The following CHL1 variants were observed in gnomAD, a reference collection of about 807,000 sequenced individuals.
CHL1 encodes cell adhesion molecule L1 like, also known as neural cell adhesion molecule L1-like protein.
A neutral mutation model predicts 141.9 loss-of-function variants in CHL1; 96 were observed. The ratio of observed to expected loss-of-function variants is 0.68; its 90% CI spans 0.57 to 0.80. The LOEUF is 0.80. Ranked by LOEUF, CHL1 falls within the 30% of genes least tolerant of loss-of-function variation. The pLI, the probability that CHL1 is intolerant of heterozygous loss-of-function variation, is 0.00. For missense variants in CHL1, 1,820 were observed against 1,457.2 expected (o/e 1.25, Z -4.05); for synonymous variants, 613 against 502.2 (o/e 1.22, Z -2.95).
intron 1 of CHL1, among the ~76,000 whole-genome samples, chr3:240,726 C>T (rs551931034): frequency 1.7e-4 from 26 of 152,258 alleles, no homozygotes; most frequent in East Asian, 5.8e-4. Context: ...TTATAGGTAT[C>T]GGGTCTTATA....
chr3:356,522 G>A (rs564928084), intron 11 of CHL1, among the ~76,000 whole-genome samples: 1 of 152,310 alleles, frequency 6.6e-6, no homozygotes, highest in African/African-American at 2.4e-5. Context: ...AATAACACAT[G>A]AGTGTGTGCT....
intron 1 of CHL1, among the ~76,000 whole-genome samples, chr3:237,396 A>G (rs1692100382): frequency 6.6e-6 from 1 of 152,228 alleles, no homozygotes; most frequent in Non-Finnish European, 1.5e-5. Context: ...TCTTTTCTTT[A>G]TAAATTACCC....
intron 2 of CHL1, among the ~76,000 whole-genome samples, chr3:253,286 G>T (rs1693871251): frequency 1.3e-5 from 2 of 152,064 alleles, no homozygotes; most frequent in South Asian, 4.1e-4. Flanking sequence ...TAGCACCATA[G>T]TTATAGAGGA....
chr3:298,843 T>C (rs1426882914), intron 2 of CHL1, among the ~76,000 whole-genome samples: 1 of 152,202 alleles, frequency 6.6e-6, no homozygotes, highest in East Asian at 1.9e-4. Context: ...TTTTTTACCA[T>C]ATAAGATGAT....
intron 1 of CHL1, among the ~76,000 whole-genome samples, chr3:242,151 A>G (rs945595654): frequency 6.6e-6 from 1 of 152,152 alleles, no homozygotes; most frequent in African/African-American, 2.4e-5. Flanking sequence ...TTTAAAAATG[A>G]GATGAAAAAC....
chr3:360,295 G>A lies in CHL1; in HGVS notation c.1177G>A (p.Ala393Thr), dbSNP rs202042716. ...TTAATCTCTTTCAGATCATCCATTT[G>A]CTGGTGATGTTGTCTTCCCCAGGGA... ...NGSPVDNHPF[A>T]GDVVFPREIS... Residue 393 changes from alanine to threonine, a missense_variant, in exon 12 of 28, where the codon GCT becomes ACT. By Grantham distance (58) the Ala-to-Thr change is moderately conservative. Transcript: ENST00000256509. 4.3e-6 allele frequency: 7 copies of A among 1,613,698 alleles called. No individual in the cohort carries two copies. Among genetic ancestry groups the A allele is most frequent in the Non-Finnish European group, 5.9e-6 (7 of 1,179,760 alleles).
chr3:354,587 T>C, intron 10 of CHL1, 53 bp from the exon 11 acceptor site: 1 of 1,561,624 alleles, frequency 6.4e-7, no homozygotes, highest in Non-Finnish European at 8.7e-7. Context: ...TTAACATTTT[T>C]GGACTTTTTG....
chr3:307,115 G>T (rs935789083), intron 2 of CHL1, among the ~76,000 whole-genome samples: 1 of 152,094 alleles, frequency 6.6e-6, no homozygotes, highest in African/African-American at 2.4e-5. Flanking sequence ...CTAATTTTTG[G>T]TCATTAGGTT....
At chr3:250,468 G>C (rs769749434) in intron 2 of CHL1, among the ~76,000 whole-genome samples, 4 of 152,050 alleles carry the variant, frequency 2.6e-5, no homozygotes, top group Non-Finnish European at 4.4e-5. Context: ...GGAAGATTAG[G>C]GTTATTTTTA....
intron 2 of CHL1, chr3:308,577 TTA>T (rs537412768): frequency 4.0e-5 from 6 of 150,318 alleles, no homozygotes; most frequent in East Asian, 3.9e-4. Flanking sequence ...CATAGGGAGA[TTA>T]TATATATAGA....
intron 1 of CHL1, among the ~76,000 whole-genome samples, chr3:202,842 T>G (rs1456987083): frequency 6.6e-6 from 1 of 152,258 alleles, no homozygotes; most frequent in Non-Finnish European, 1.5e-5. Context: ...ATTTCGTTTT[T>G]CAACCAAATG....
intron 1 of CHL1, among the ~76,000 whole-genome samples, chr3:235,641 G>A (rs1691893326): frequency 6.6e-6 from 1 of 152,138 alleles, no homozygotes; most frequent in East Asian, 1.9e-4. Flanking sequence ...ATTGTTTGCA[G>A]AATTACTACC....
intron 9 of CHL1, among the ~76,000 whole-genome samples, chr3:347,752 A>G (rs1233004885): frequency 6.6e-6 from 1 of 152,170 alleles, no homozygotes; most frequent in Non-Finnish European, 1.5e-5. Flanking sequence ...GCATCCTCTT[A>G]GGTGGTGTGC....
At chr3:231,647 G>A (rs1485063260) in intron 1 of CHL1, among the ~76,000 whole-genome samples, 1 of 142,464 alleles carries the variant, frequency 7.0e-6, no homozygotes, top group Non-Finnish European at 1.5e-5. Context: ...GCACAATCCT[G>A]GTTTATTGCA....
chr3:343,046 T>C lies in CHL1; in HGVS notation c.727+15T>C, dbSNP rs373279140. On this transcript the variant is annotated intron_variant, in intron 8 of 27. Coordinates refer to ENST00000256509, the MANE Select transcript of CHL1 (RefSeq NM_006614.4). ...TGGTTCCAAGGGTAAGTTGAACCCATGTGGAGTGTTGGCATTTGTGTATAG... is the reference window on the plus strand; with the variant it reads ...TGGTTCCAAGGGTAAGTTGAACCCACGTGGAGTGTTGGCATTTGTGTATAG... 109 of 1,599,314 alleles carry C rather than the reference T, an allele frequency of 6.8e-5. No individual in the cohort carries two copies. The highest frequency in any genetic ancestry group is 8.9e-5 in the Non-Finnish European group (105 of 1,173,544).
chr3:381,353 A>G (rs114239534), intron 16 of CHL1, among the ~76,000 whole-genome samples: 1,660 of 152,244 alleles, frequency 0.011, 11 homozygotes, highest in Middle Eastern at 0.037. Flanking sequence ...GTGCAGTAAG[A>G]CCAGGTATCT....
intron 2 of CHL1, among the ~76,000 whole-genome samples, chr3:266,279 G>T (rs1695139623): frequency 6.6e-6 from 1 of 152,124 alleles, no homozygotes. Context: ...CCTACAAGTG[G>T]CTCTGATGGG....
At chr3:375,564 G>A (rs1283398103) in intron 15 of CHL1, among the ~76,000 whole-genome samples, 1 of 151,746 alleles carries the variant, frequency 6.6e-6, no homozygotes, top group African/African-American at 2.4e-5. Context: ...AAGCAGAGAG[G>A]CAGGAGAAAT....
intron 19 of CHL1, chr3:385,641 A>G (rs143495593): frequency 6.6e-6 from 1 of 152,264 alleles, no homozygotes; most frequent in Non-Finnish European, 1.5e-5. Context: ...CAGCCTGGAC[A>G]ATATGGTGAA....
Sources: gnomAD v4.1 joint callset for allele counts (sites outside exome capture counted in the v4.1 genomes callset) on GRCh38, gnomAD v4.1.1 for gene constraint, MANE v1.5 for transcripts, NCBI Gene and HGNC (gene_info 2026-07-23, HGNC 2026-07-21) for gene names.